The following CELF2 variants were observed in gnomAD, a reference collection of about 807,000 sequenced individuals.
CELF2 encodes CUGBP Elav-like family member 2, also known as CUG triplet repeat RNA-binding protein 2.
CELF2 carries 8 observed loss-of-function variants against 62.6 expected under a neutral mutation model. That is an observed-to-expected ratio of 0.13 (90% CI 0.07 to 0.23). CELF2 has a LOEUF of 0.23. Ranked by LOEUF, CELF2 falls within the 10% of genes least tolerant of loss-of-function variation. The pLI is 1.00. For missense variants in CELF2, 333 were observed against 671.0 expected (o/e 0.50, Z 5.56); for synonymous variants, 258 against 250.0 (o/e 1.03, Z -0.30).
chr10:11,132,636 C>G (rs2059787671), intron 1 of CELF2, among the ~76,000 whole-genome samples: 1 of 152,080 alleles, frequency 6.6e-6, no homozygotes, highest in Non-Finnish European at 1.5e-5. Context: ...CATTCAAGAC[C>G]TAATATCCAT....
At chr10:10,759,895 G>C in the CELF2 span, among the ~76,000 whole-genome samples, 1 of 152,002 alleles carries the variant, frequency 6.6e-6, no homozygotes, top group African/African-American at 2.4e-5. Context: ...AAATAGCCAG[G>C]TTCTTAAAAT....
rs1412865380 is a variant in CELF2 at position 11,157,497 on chromosome 10, TCTAA to T, written c.75-7982_75-7979del. On this transcript the variant is annotated intron_variant, in intron 1 of 12. Transcript: ENST00000633077. The surrounding 1 kb of genome is among the most constrained non-coding windows in gnomAD (Gnocchi z 4.9). ...CCCTTGGCTTAATGAGTCACTTGTT[TCTAA>T]CTAACTCCAGGCCTTTATTTATTGC... Among the ~76,000 whole-genome samples, 1 of 152,210 alleles carries T rather than the reference TCTAA, an allele frequency of 6.6e-6. No individual in the cohort carries two copies. Among genetic ancestry groups the T allele is most frequent in the Non-Finnish European group, 1.5e-5 (1 of 68,032 alleles).
At chr10:10,674,091 G>T in the CELF2 span, among the ~76,000 whole-genome samples, 1 of 152,154 alleles carries the variant, frequency 6.6e-6, no homozygotes, top group African/African-American at 2.4e-5. Flanking sequence ...TTGTATGCCT[G>T]CTGGATCTGT....
chr10:10,550,457 A>G, the CELF2 span, among the ~76,000 whole-genome samples: 8 of 152,218 alleles, frequency 5.3e-5, no homozygotes, highest in Non-Finnish European at 1.2e-4. Context: ...CCTGGATGGC[A>G]TAGGCTTTTG....
At chr10:10,681,145 G>A in the CELF2 span, among the ~76,000 whole-genome samples, 1 of 152,090 alleles carries the variant, frequency 6.6e-6, no homozygotes, top group Non-Finnish European at 1.5e-5. Flanking sequence ...CTAAAGTACA[G>A]CAATGAATTC....
intron 1 of CELF2, among the ~76,000 whole-genome samples, chr10:11,104,658 G>T (rs117488951): frequency 0.01 from 1,533 of 152,336 alleles, 19 homozygotes; most frequent in Non-Finnish European, 0.014. Context: ...CTCCAGTCTA[G>T]GTGACAGAAT....
chr10:10,825,640 T>C (rs968864489), intron 1 of CELF2, among the ~76,000 whole-genome samples: 1 of 152,204 alleles, frequency 6.6e-6, no homozygotes, highest in Non-Finnish European at 1.5e-5. Flanking sequence ...TAGGGGTCAG[T>C]CTTTACTGGA....
chr10:10,606,987 T>C, the CELF2 span, among the ~76,000 whole-genome samples: 2 of 152,204 alleles, frequency 1.3e-5, no homozygotes, highest in South Asian at 2.1e-4. Context: ...AACAATTCTA[T>C]GGCTATTTTA....
At chr10:10,769,500 T>C in the CELF2 span, among the ~76,000 whole-genome samples, 1 of 152,278 alleles carries the variant, frequency 6.6e-6, no homozygotes, top group Non-Finnish European at 1.5e-5. Context: ...TGGTGGCTCA[T>C]GCCTGTAATC....
At chr10:11,133,066 G>A (rs1433525824) in intron 1 of CELF2, among the ~76,000 whole-genome samples, 3 of 152,128 alleles carry the variant, frequency 2.0e-5, no homozygotes, top group African/African-American at 7.2e-5. Flanking sequence ...ACTATAAAGA[G>A]CTTAAAGACA....
In CELF2 at chr10:11,328,891, T is replaced by C. The variant is rs1346865924; in HGVS notation, c.1439-35T>C. 3 of 1,593,210 alleles carry C rather than the reference T, an allele frequency of 1.9e-6. No individual in the cohort carries two copies. The highest frequency in any genetic ancestry group is 1.7e-6 in the Non-Finnish European group (2 of 1,166,034). ...CTTTTCTGTTTTCTGCTGGGCTTCCTCTCCAGGCTGACTCCCTCTCTCGGT... is the reference window on the plus strand; with the variant it reads ...CTTTTCTGTTTTCTGCTGGGCTTCCCCTCCAGGCTGACTCCCTCTCTCGGT... On this transcript the variant is annotated intron_variant, in intron 12 of 12. Coordinates refer to ENST00000633077, the MANE Select transcript of CELF2 (RefSeq NM_001326342.2). This position sits in a 1 kb window ranked among gnomAD's most constrained non-coding sequence, Gnocchi z 6.4.
At chr10:10,994,298 G>T (rs2053725444) in intron 2 of CELF2, among the ~76,000 whole-genome samples, 1 of 152,112 alleles carries the variant, frequency 6.6e-6, no homozygotes, top group African/African-American at 2.4e-5. Flanking sequence ...GAACATCATG[G>T]TCTACCTGTC....
At chr10:10,555,375 T>C in the CELF2 span, among the ~76,000 whole-genome samples, 7 of 152,156 alleles carry the variant, frequency 4.6e-5, no homozygotes, top group South Asian at 1.5e-3. Flanking sequence ...CTCCGTTCTG[T>C]ATTGAATACC....
At chr10:10,611,059 G>C in the CELF2 span, among the ~76,000 whole-genome samples, 161 of 152,294 alleles carry the variant, frequency 1.1e-3, no homozygotes, top group African/African-American at 3.7e-3. Flanking sequence ...ACCCAACTAT[G>C]ATGTGAGTTG....
intron 1 of CELF2, among the ~76,000 whole-genome samples, chr10:10,886,532 T>G (rs1168124433): frequency 6.6e-6 from 1 of 152,114 alleles, no homozygotes; most frequent in African/African-American, 2.4e-5. Flanking sequence ...CCTGAACGTG[T>G]ATGTGCATTA....
At chr10:11,072,180 T>C (rs2141012550) in intron 1 of CELF2, among the ~76,000 whole-genome samples, 1 of 152,276 alleles carries the variant, frequency 6.6e-6, no homozygotes, top group South Asian at 2.1e-4. Flanking sequence ...AAAGTCCCCA[T>C]TTAATAGATG....
intron 1 of CELF2, among the ~76,000 whole-genome samples, chr10:10,906,075 A>G (rs981542818): frequency 1.2e-4 from 18 of 151,928 alleles, no homozygotes; most frequent in African/African-American, 4.1e-4. Context: ...TGTCTCAATA[A>G]AAATAAAAAT....
rs1447287512 is a variant in CELF2 at position 11,220,637 on chromosome 10, C to A, written c.354+3130C>A. ...CCAAAGAAGACGCTCTGTTTTACAT[C>A]CCCTGAAATTCTCAACATAAACCCT... On this transcript the variant is annotated intron_variant, in intron 3 of 12. Coordinates refer to ENST00000633077, the MANE Select transcript of CELF2 (RefSeq NM_001326342.2). This position sits in a 1 kb window ranked among gnomAD's most constrained non-coding sequence, Gnocchi z 4.4. Among the ~76,000 whole-genome samples, 1 of 152,202 alleles carries A rather than the reference C, an allele frequency of 6.6e-6. No homozygotes were observed. The highest frequency in any genetic ancestry group is 1.5e-5 in the Non-Finnish European group (1 of 68,030).
chr10:11,313,965 T>A (rs1469943312), intron 9 of CELF2, among the ~76,000 whole-genome samples, 174 bp from the exon 10 acceptor site: 1 of 152,234 alleles, frequency 6.6e-6, no homozygotes, highest in Non-Finnish European at 1.5e-5. Context: ...AAGATTTTTT[T>A]AATCACCAAA....
Sources: gnomAD v4.1 joint callset for allele counts (sites outside exome capture counted in the v4.1 genomes callset) on GRCh38, gnomAD v4.1.1 for gene constraint, Gnocchi (gnomAD v3.1) non-coding constraint, MANE v1.5 for transcripts, NCBI Gene and HGNC (gene_info 2026-07-23, HGNC 2026-07-21) for gene names.